The following SOX6 variants were observed in gnomAD, a reference collection of about 807,000 sequenced individuals.
SOX6 encodes SRY-box transcription factor 6, also known as transcription factor SOX-6.
Under a neutral mutation model 97.8 loss-of-function variants are expected in SOX6, and 11 were observed. That is an observed-to-expected ratio of 0.11 (90% CI 0.07 to 0.19). SOX6 has a LOEUF of 0.19. Ranked by LOEUF, SOX6 falls within the 10% of genes least tolerant of loss-of-function variation. The probability of loss-of-function intolerance (pLI) is 1.00; values close to 1 mark genes in which losing one functional copy is unlikely to be tolerated. For synonymous variants in SOX6, 360 were observed against 371.4 expected (o/e 0.97, Z 0.35); for missense variants, 810 against 1,039.5 (o/e 0.78, Z 3.04).
intron 3 of SOX6, among the ~76,000 whole-genome samples, chr11:16,632,276 G>C (rs970870245): frequency 6.6e-6 from 1 of 152,038 alleles, no homozygotes; most frequent in African/African-American, 2.4e-5. Context: ...ACATTACTGG[G>C]GGTTTTTTCT....
intron 1 of SOX6, among the ~76,000 whole-genome samples, chr11:16,353,112 C>T (rs922952214): frequency 5.9e-5 from 9 of 151,960 alleles, no homozygotes; most frequent in South Asian, 2.1e-4. Flanking sequence ...TGTCACTGCC[C>T]GTTTATTTCA....
At chr11:16,107,379 C>T (rs904855469) in intron 7 of SOX6, among the ~76,000 whole-genome samples, 15 of 143,252 alleles carry the variant, frequency 1.0e-4, no homozygotes, top group African/African-American at 4.1e-4. Flanking sequence ...AAAATGTGAT[C>T]TGTATACATA....
intron 15 of SOX6, among the ~76,000 whole-genome samples, chr11:15,979,475 T>A (rs73417020): frequency 0.016 from 2,467 of 152,172 alleles, 65 homozygotes; most frequent in African/African-American, 0.057. Flanking sequence ...ATGAAAGCAT[T>A]CCTCTGCTTA....
intron 3 of SOX6, among the ~76,000 whole-genome samples, chr11:16,635,799 C>T (rs1404169139): frequency 6.6e-6 from 1 of 152,208 alleles, no homozygotes; most frequent in Non-Finnish European, 1.5e-5. Flanking sequence ...CCAGCTGTGG[C>T]TAAAAGGAGT....
At chr11:16,204,964 A>C (rs1852035145) in intron 4 of SOX6, among the ~76,000 whole-genome samples, 1 of 152,026 alleles carries the variant, frequency 6.6e-6, no homozygotes, top group African/African-American at 2.4e-5. Flanking sequence ...TTTAAAAAAA[A>C]ATCAAGGGAA....
chr11:16,547,281 G>A (rs1019555399), intron 4 of SOX6, among the ~76,000 whole-genome samples: 9 of 152,156 alleles, frequency 5.9e-5, no homozygotes, highest in African/African-American at 2.2e-4. Context: ...CAAAGGAAAG[G>A]AAATCAGCAT....
intron 1 of SOX6, among the ~76,000 whole-genome samples, chr11:16,370,804 A>C (rs1392104571): frequency 6.6e-6 from 1 of 152,020 alleles, no homozygotes; most frequent in Non-Finnish European, 1.5e-5. Context: ...ATCTGTCAGA[A>C]AGCCCCGTGA....
At chr11:16,622,862 G>T (rs1848564799) in intron 3 of SOX6, among the ~76,000 whole-genome samples, 1 of 152,106 alleles carries the variant, frequency 6.6e-6, no homozygotes, top group African/African-American at 2.4e-5. Flanking sequence ...CATAGTGGTT[G>T]TACTAGTTTA....
chr11:16,320,018 T>TC (rs1855868888), intron 2 of SOX6, among the ~76,000 whole-genome samples: 1 of 151,964 alleles, frequency 6.6e-6, no homozygotes, highest in Non-Finnish European at 1.5e-5. Context: ...AAAAAGCAAA[T>TC]CGTAGGTGGA....
At chr11:16,310,189 G>A (rs769814087) in intron 3 of SOX6, among the ~76,000 whole-genome samples, 2 of 152,020 alleles carry the variant, frequency 1.3e-5, no homozygotes, top group Admixed American at 6.6e-5. Flanking sequence ...TACCCAAACT[G>A]TAAATGGAGG....
At chr11:16,087,831 T>C (rs1590188093) in intron 9 of SOX6, among the ~76,000 whole-genome samples, 1 of 152,178 alleles carries the variant, frequency 6.6e-6, no homozygotes, top group Non-Finnish European at 1.5e-5. Context: ...GTTTTATTCA[T>C]TGATACGTCC....
At chr11:16,667,065 A>T (rs1229687667) in intron 3 of SOX6, among the ~76,000 whole-genome samples, 5 of 47,248 alleles carry the variant, frequency 1.1e-4, no homozygotes, top group East Asian at 4.9e-3. Flanking sequence ...CCAAAAAATT[A>T]AAAAAAAAAA....
intron 3 of SOX6, among the ~76,000 whole-genome samples, chr11:16,244,700 A>G (rs768919336): frequency 5.9e-5 from 9 of 151,672 alleles, no homozygotes; most frequent in Non-Finnish European, 1.0e-4. Context: ...CTTTTTCCCA[A>G]TGAGTTATCT....
intron 4 of SOX6, among the ~76,000 whole-genome samples, chr11:16,608,906 T>C (rs1249144020): frequency 6.6e-6 from 1 of 152,196 alleles, no homozygotes; most frequent in Non-Finnish European, 1.5e-5. Context: ...TTAAAGGTTG[T>C]TGAAGATGAA....
chr11:16,630,381 C>T (rs1331901888), intron 3 of SOX6, among the ~76,000 whole-genome samples: 2 of 151,966 alleles, frequency 1.3e-5, no homozygotes, highest in Non-Finnish European at 2.9e-5. Context: ...GTTTCATTTC[C>T]TTATAAGTGT....
intron 4 of SOX6, among the ~76,000 whole-genome samples, chr11:16,583,061 A>G (rs1371107527): frequency 6.6e-6 from 1 of 152,112 alleles, no homozygotes; most frequent in East Asian, 1.9e-4. Flanking sequence ...TCATCCATAA[A>G]TTGGGAATAA....
intron 3 of SOX6, among the ~76,000 whole-genome samples, chr11:16,696,348 G>C (rs184621306): frequency 1.1e-4 from 16 of 152,192 alleles, no homozygotes; most frequent in African/African-American, 3.9e-4. Context: ...TTCCTGATAT[G>C]TAAAATAAAG....
rs1860819614 is a variant in SOX6 at position 16,508,104 on chromosome 11, T to C, written n.610-31716A>G. 2.6e-5 allele frequency among the ~76,000 whole-genome samples: 4 copies of C among 151,904 alleles called. No individual in the cohort carries two copies. The South Asian group carries it at 8.3e-4, about 32-fold the overall frequency. The stretch of plus-strand genomic sequence containing the variant: ...ACATGAATACATAAATAATAAATTC[T>C]CAAAAGAAAACATAAAATCAGCCAA... On this transcript the variant is annotated intron_variant and non_coding_transcript_variant, in intron 4 of 5. Transcript: ENST00000524520.
intron 4 of SOX6, among the ~76,000 whole-genome samples, chr11:16,482,279 G>C (rs4582933): frequency 0.39 from 59,348 of 151,982 alleles, 11,852 homozygotes; most frequent in East Asian, 0.61. Flanking sequence ...TTCCATTACC[G>C]TAAAATCAAA....
Sources: allele counts gnomAD v4.1 joint callset (sites outside exome capture counted in the v4.1 genomes callset), GRCh38; gene constraint gnomAD v4.1.1; transcripts MANE v1.5; gene names NCBI Gene and HGNC (gene_info 2026-07-23, HGNC 2026-07-21).